CDH4: variants seen among roughly 807,000 people sequenced by gnomAD.
CDH4 encodes cadherin-4.
A neutral mutation model predicts 86.0 loss-of-function variants in CDH4; 33 were observed. The ratio of observed to expected loss-of-function variants is 0.38; its 90% confidence interval spans 0.29 to 0.51. CDH4 has a LOEUF of 0.51. Among genes scored for constraint, CDH4 ranks in the 20% least tolerant of loss-of-function variants. CDH4 has a pLI of 0.86. For synonymous variants in CDH4, 555 were observed against 549.4 expected (o/e 1.01, Z -0.14); for missense variants, 1,114 against 1,307.4 (o/e 0.85, Z 2.28).
At chr20:61,504,068 C>T (rs867761318) in intron 2 of CDH4, among the ~76,000 whole-genome samples, 34 of 152,276 alleles carry the variant, frequency 2.2e-4, no homozygotes, top group Middle Eastern at 3.4e-3. Flanking sequence ...GTTGTTGGAC[C>T]GAGGCACGCC....
intron 2 of CDH4, among the ~76,000 whole-genome samples, chr20:61,722,842 A>G (rs2088058634): frequency 1.3e-5 from 2 of 152,156 alleles, no homozygotes; most frequent in South Asian, 4.2e-4. Flanking sequence ...AGGACTTCTC[A>G]GACCCTCTGA....
At chr20:61,771,123 G>C (rs1005589143) in intron 3 of CDH4, among the ~76,000 whole-genome samples, 10 of 150,492 alleles carry the variant, frequency 6.6e-5, no homozygotes, top group African/African-American at 2.2e-4. Flanking sequence ...TGATTCTCCG[G>C]TGTCAGCCTC....
chr20:61,596,024 A>G (rs1197666462), intron 2 of CDH4, among the ~76,000 whole-genome samples: 1 of 152,204 alleles, frequency 6.6e-6, no homozygotes, highest in Non-Finnish European at 1.5e-5. Context: ...CTTGTCATGG[A>G]GCATCCTTTG....
At position 61,565,315 on chromosome 20, in the gene CDH4, G is replaced by GGTC. The variant is rs879346093; in HGVS notation, c.170-178247_170-178246insTCG. 1.2e-3 allele frequency among the ~76,000 whole-genome samples: 103 copies of GGTC among 88,288 alleles called. 4 individuals are homozygous for GGTC. Among genetic ancestry groups the GGTC allele is most frequent in the Non-Finnish European group, 2.1e-3 (82 of 39,680 alleles). The allele number at this position is 88,288 out of a possible 152,430, so 57.9% of individuals were successfully genotyped here. A position where few individuals can be genotyped will look rare whatever the true frequency, so the allele number is the denominator to read the frequency against. On this transcript the variant is annotated intron_variant, in intron 2 of 15. Coordinates refer to ENST00000614565, the MANE Select transcript of CDH4 (RefSeq NM_001794.5). ...TGGTGGTGGCGGTGCTCTTGGTGGT[G>GGTC]GCGGTGCTCTTGGTGATGGTGGTAG... is the stretch of plus-strand genomic sequence containing the variant.
At chr20:61,843,227 A>G (rs6061859) in intron 4 of CDH4, among the ~76,000 whole-genome samples, 71,743 of 149,956 alleles carry the variant, frequency 0.48, 18,195 homozygotes, top group Non-Finnish European at 0.58. Flanking sequence ...GAGGCGGGTG[A>G]ATCATGAGGT....
chr20:61,930,949 G>A (rs558490126), intron 13 of CDH4, among the ~76,000 whole-genome samples: 4 of 152,026 alleles, frequency 2.6e-5, no homozygotes, highest in South Asian at 2.1e-4. Flanking sequence ...TGCCTGGCCC[G>A]TGCAGGAGAC....
Position 61,602,285 on chromosome 20 carries a change from C to T in CDH4, c.170-141278C>T, listed in dbSNP as rs145386693. On this transcript the variant is annotated intron_variant, in intron 2 of 15. Transcript: ENST00000614565. The stretch of plus-strand genomic sequence containing the variant: ...TTTCAGCGATGGGCTCACTACATCA[C>T]GCAGGCAGACACCCGGTCCCCAGTA... Among the ~76,000 whole-genome samples, 33 of 152,256 alleles carry T rather than the reference C, an allele frequency of 2.2e-4. No individual in the cohort carries two copies. In the East Asian group the frequency reaches 5.4e-3, roughly 25 times the overall value.
At chr20:61,647,823 G>A (rs1026032958) in intron 2 of CDH4, among the ~76,000 whole-genome samples, 2 of 152,152 alleles carry the variant, frequency 1.3e-5, no homozygotes, top group Admixed American at 6.5e-5. Flanking sequence ...ACAGCAATGT[G>A]TCAGACTCAG....
At chr20:61,923,838 G>A (rs1720929867) in intron 10 of CDH4, 134 bp downstream of exon 10, 1 of 1,147,164 alleles carries the variant, frequency 8.7e-7, no homozygotes, top group Non-Finnish European at 1.2e-6. Flanking sequence ...CCAACCTAAG[G>A]CGTCCTTCCA....
In CDH4 at chr20:61,556,894, C is replaced by T. The variant is rs534131670; in HGVS notation, c.170-186669C>T. Among the ~76,000 whole-genome samples, 139 of 152,220 alleles carry T rather than the reference C, an allele frequency of 9.1e-4. 4 individuals carry two copies. In the South Asian group the frequency reaches 0.026, roughly 28 times the overall value. On this transcript the variant is annotated intron_variant, in intron 2 of 15. Transcript: ENST00000614565. The stretch of plus-strand genomic sequence containing the variant: ...ACAACACCGAGAACACGTGAGGCGC[C>T]GCCATCCTCACACCAGGGCTGATCC...
chr20:61,772,859 C>T (rs749808606), intron 3 of CDH4, 144 bp from the exon 4 acceptor site: 73 of 560,818 alleles, frequency 1.3e-4, no homozygotes, highest in Non-Finnish European at 1.9e-4. Context: ...GTTATCCCGC[C>T]CTTCCCGCTT....
intron 2 of CDH4, among the ~76,000 whole-genome samples, chr20:61,725,538 A>G (rs952603614): frequency 9.2e-5 from 14 of 152,168 alleles, no homozygotes; most frequent in Non-Finnish European, 2.1e-4. Context: ...TTTGAGAGGA[A>G]AAGGAAATTG....
chr20:61,326,977 A>G (rs1383239476), intron 2 of CDH4, among the ~76,000 whole-genome samples: 1 of 152,108 alleles, frequency 6.6e-6, no homozygotes, highest in East Asian at 1.9e-4. Context: ...TGTCAGGTGC[A>G]TTTTTACTGG....
At chr20:61,280,227 A>G (rs1812595172) in intron 2 of CDH4, among the ~76,000 whole-genome samples, 1 of 152,100 alleles carries the variant, frequency 6.6e-6, no homozygotes, top group Non-Finnish European at 1.5e-5. Flanking sequence ...GGGTACACAT[A>G]GGGTGATGGT....
At chr20:61,622,894 G>T (rs1202238382) in intron 2 of CDH4, among the ~76,000 whole-genome samples, 4 of 150,904 alleles carry the variant, frequency 2.7e-5, no homozygotes, top group Non-Finnish European at 5.9e-5. Context: ...CCTGAATCAG[G>T]GGAGGTGGCT....
rs893256138 is a variant in CDH4, at chr20:61,517,548, C to T, written c.170-226015C>T. Among the ~76,000 whole-genome samples, 3 of 152,090 alleles carry T rather than the reference C, an allele frequency of 2.0e-5. No individual in the cohort carries two copies. The highest frequency in any genetic ancestry group is 7.2e-5 in the African/African-American group (3 of 41,408). On this transcript the variant is annotated intron_variant, in intron 2 of 15. Coordinates refer to ENST00000614565, the MANE Select transcript of CDH4 (RefSeq NM_001794.5). The surrounding 1 kb of genome is among the most constrained non-coding windows in gnomAD (Gnocchi z 6.6). ...AGAGTCAGACTTGTTTATAGTCCCC[C>T]CAGTGGAGGATGAATTCAAGCACAA...
intron 2 of CDH4, among the ~76,000 whole-genome samples, chr20:61,686,475 A>G (rs747012518): frequency 1.7e-4 from 22 of 128,700 alleles, no homozygotes; most frequent in African/African-American, 5.5e-4. Flanking sequence ...TTGCGTGTAT[A>G]TGTGCGTGTG....
At position 61,547,038 on chromosome 20, in the gene CDH4, C is replaced by A. The variant is rs534174243; in HGVS notation, c.170-196525C>A. ...AAGGTGACTTAGGAAACTGACAGATCGCTGCCTCCCTCCCTTCTATATCCT... is the reference window on the plus strand; with the variant it reads ...AAGGTGACTTAGGAAACTGACAGATAGCTGCCTCCCTCCCTTCTATATCCT... On this transcript the variant is annotated intron_variant, in intron 2 of 15. Coordinates refer to ENST00000614565, the MANE Select transcript of CDH4 (RefSeq NM_001794.5). Among the ~76,000 whole-genome samples, 32 of 151,920 alleles carry A rather than the reference C, an allele frequency of 2.1e-4. 1 individual carries two copies. The highest frequency in any genetic ancestry group is 7.0e-4 in the African/African-American group (29 of 41,440).
chr20:61,933,974 G>A (rs2055146187), intron 14 of CDH4, 82 bp from the exon 15 acceptor site: 2 of 1,515,038 alleles, frequency 1.3e-6, no homozygotes, highest in Admixed American at 1.7e-5. Flanking sequence ...CTGTGGCCCA[G>A]GTGACAGAAA....
Sources: allele counts gnomAD v4.1 joint callset (sites outside exome capture counted in the v4.1 genomes callset), GRCh38; gene constraint gnomAD v4.1.1; non-coding constraint Gnocchi (gnomAD v3.1); transcripts MANE v1.5; gene names NCBI Gene and HGNC (gene_info 2026-07-23, HGNC 2026-07-21).